Variants in ZSWIM5 observed in about 807,000 individuals in gnomAD.
ZSWIM5 encodes zinc finger SWIM domain-containing protein 5.
In ZSWIM5, 55 loss-of-function variants were observed where a neutral mutation model predicts 119.6. The observed-to-expected ratio is 0.46, with a 90% CI of 0.37 to 0.58. The LOEUF is 0.58. ZSWIM5 is among the 20% of genes least tolerant of loss of function. The pLI, the probability that ZSWIM5 is intolerant of heterozygous loss-of-function variation, is 0.00. For missense variants in ZSWIM5, 1,193 were observed against 1,512.8 expected (o/e 0.79, Z 3.51); for synonymous variants, 537 against 606.9 (o/e 0.88, Z 1.69).
intron 5 of ZSWIM5, among the ~76,000 whole-genome samples, chr1:45,050,212 G>A (rs978293869): frequency 1.3e-5 from 2 of 152,002 alleles, no homozygotes; most frequent in African/African-American, 4.8e-5. Context: ...AAAATTAGCC[G>A]GGCGTGGTGG....
intron 1 of ZSWIM5, among the ~76,000 whole-genome samples, chr1:45,158,603 T>G (rs575485995): frequency 6.6e-6 from 1 of 152,368 alleles, no homozygotes; most frequent in South Asian, 2.1e-4. Context: ...TCTGGGCATC[T>G]TTTTGCATCT....
chr1:45,141,311 G>C (rs1015468556), intron 1 of ZSWIM5, among the ~76,000 whole-genome samples: 1 of 152,258 alleles, frequency 6.6e-6, no homozygotes, highest in South Asian at 2.1e-4. Flanking sequence ...ACATCAGAAA[G>C]GGGTAACTGT....
intron 2 of ZSWIM5, among the ~76,000 whole-genome samples, chr1:45,080,502 G>A (rs1362911268): frequency 2.0e-5 from 3 of 152,186 alleles, no homozygotes; most frequent in Admixed American, 6.5e-5. Context: ...ACTGCTGGGC[G>A]ATTGGGGAGG....
chr1:45,026,946 G>GA (rs957456802), intron 11 of ZSWIM5, among the ~76,000 whole-genome samples: 2 of 151,618 alleles, frequency 1.3e-5, no homozygotes, highest in Admixed American at 6.6e-5. Context: ...TTGGTAGATT[G>GA]TTTTTTTCAA....
chr1:45,036,082 C>A lies in ZSWIM5; in HGVS notation c.2112G>T (p.Glu704Asp), dbSNP rs371566581. Residue 704 changes from glutamate (E) to aspartate (D), a missense_variant, in exon 9 of 14, where the codon GAG becomes GAT. Glu to Asp is a conservative substitution (Grantham distance 45). Around this residue, in one of 2 missense-constraint regions of ZSWIM5, gnomAD observed 961 missense variants for 1,290.0 expected, o/e 0.74. Coordinates refer to ENST00000359600, the MANE Select transcript of ZSWIM5 (RefSeq NM_020883.2). The part of the protein sequence containing the change: ...SQLQELQLDD[E>D]LVQTLQKQCI... The stretch of plus-strand genomic sequence containing the variant: ...ATTGTTTTTGCAGTGTTTGCACTAG[C>A]TCATCGTCCAGCTGCAGCTCTTGGA... The A allele has an allele frequency of 1.9e-6, 3 of 1,614,190 alleles. No homozygotes were observed. Among genetic ancestry groups the A allele is most frequent in the Non-Finnish European group, 2.5e-6 (3 of 1,180,032 alleles).
At chr1:45,106,607 C>T (rs142612786) in intron 1 of ZSWIM5, among the ~76,000 whole-genome samples, 13 of 148,924 alleles carry the variant, frequency 8.7e-5, no homozygotes, top group East Asian at 4.0e-4. Context: ...TCTGCCCGGC[C>T]GCCCCGTCTG....
At chr1:45,022,136 TTTA>T in intron 11 of ZSWIM5, among the ~76,000 whole-genome samples, 2 of 150,588 alleles carry the variant, frequency 1.3e-5, no homozygotes, top group African/African-American at 4.9e-5. Context: ...TTTATTTTAT[TTTA>T]TTTTTTTTTG....
At chr1:45,128,834 T>G (rs556475457) in intron 1 of ZSWIM5, among the ~76,000 whole-genome samples, 15 of 152,268 alleles carry the variant, frequency 9.9e-5, no homozygotes, top group Admixed American at 3.3e-4. Flanking sequence ...TTTTTCTTCT[T>G]TTTTTTACTG....
chr1:45,068,107 CT>C (rs71040545), intron 2 of ZSWIM5, among the ~76,000 whole-genome samples: 82 of 113,280 alleles, frequency 7.2e-4, no homozygotes, highest in African/African-American at 2.4e-3. Flanking sequence ...TTTTTTTTTT[CT>C]TTTTTTTTTT....
chr1:45,136,713 A>T (rs1645692648), intron 1 of ZSWIM5, among the ~76,000 whole-genome samples: 1 of 152,216 alleles, frequency 6.6e-6, no homozygotes, highest in South Asian at 2.1e-4. Flanking sequence ...CAGGCAATTA[A>T]GCTAAAGGAA....
At position 45,104,690 on chromosome 1, in the gene ZSWIM5, G is replaced by A. The variant is rs367877831; in HGVS notation, c.596-16453C>T. On this transcript the variant is annotated intron_variant, in intron 1 of 13. Coordinates refer to ENST00000359600, the MANE Select transcript of ZSWIM5 (RefSeq NM_020883.2). ...CTACTTGGTTTGTTTGTATTATAGAGGTCACCCTAAGCTTCTCAGAGCAGC... is the reference window on the plus strand; with the variant it reads ...CTACTTGGTTTGTTTGTATTATAGAAGTCACCCTAAGCTTCTCAGAGCAGC... 1.2e-4 allele frequency among the ~76,000 whole-genome samples: 19 copies of A among 152,302 alleles called. 1 individual carries two copies. Among genetic ancestry groups the A allele is most frequent in the East Asian group, 9.7e-4 (5 of 5,180 alleles).
chr1:45,190,764 C>A (rs1646086630), intron 1 of ZSWIM5, among the ~76,000 whole-genome samples: 1 of 151,910 alleles, frequency 6.6e-6, no homozygotes, highest in African/African-American at 2.4e-5. Flanking sequence ...AACACACTTA[C>A]TAGGGATCAA....
chr1:45,039,522 A>T (rs1311201114), intron 7 of ZSWIM5, among the ~76,000 whole-genome samples: 1 of 151,764 alleles, frequency 6.6e-6, no homozygotes, highest in Non-Finnish European at 1.5e-5. Flanking sequence ...AGTAGCTGGG[A>T]CTACAGGCAT....
At chr1:45,024,363 T>A (rs1644907923) in intron 11 of ZSWIM5, among the ~76,000 whole-genome samples, 1 of 151,580 alleles carries the variant, frequency 6.6e-6, no homozygotes, top group Admixed American at 6.6e-5. Flanking sequence ...GGCTACTTTT[T>A]AAATTTTTAT....
rs74070878 is a variant in ZSWIM5 at position 45,158,685 on chromosome 1, G to T, written c.595+47071C>A. Among the ~76,000 whole-genome samples, 715 of 152,188 alleles carry T rather than the reference G, an allele frequency of 4.7e-3. 5 individuals carry two copies. The highest frequency in any genetic ancestry group is 0.015 in the African/African-American group (628 of 41,508). On this transcript the variant is annotated intron_variant, in intron 1 of 13. Transcript: ENST00000359600. ...TAGACAATGGATTTCAACATGTCTG[G>T]TACATAAAAGATCCTTAATAAATGT...
At chr1:45,090,835 G>GAA (rs11446990) in intron 1 of ZSWIM5, among the ~76,000 whole-genome samples, 13 of 138,862 alleles carry the variant, frequency 9.4e-5, no homozygotes, top group African/African-American at 2.1e-4. Flanking sequence ...TTAAGAAAAA[G>GAA]AAAAAAAAAA....
intron 1 of ZSWIM5, among the ~76,000 whole-genome samples, chr1:45,094,030 TTTA>T (rs1467620577): frequency 3.9e-5 from 5 of 128,796 alleles, no homozygotes; most frequent in Non-Finnish European, 7.9e-5. Context: ...TTTATATTTA[TTTA>T]TTTATTTATT....
chr1:45,160,553 C>G (rs1250138661), intron 1 of ZSWIM5, among the ~76,000 whole-genome samples: 6 of 151,996 alleles, frequency 3.9e-5, no homozygotes, highest in Non-Finnish European at 8.8e-5. Context: ...CTTGGCTTAT[C>G]TTGCTTAATA....
chr1:45,144,590 C>A (rs971097181), intron 1 of ZSWIM5, among the ~76,000 whole-genome samples: 10 of 152,018 alleles, frequency 6.6e-5, no homozygotes, highest in African/African-American at 2.4e-4. Context: ...TTCAATGAAG[C>A]GAGGACAGTC....
Sources: gnomAD v4.1 joint callset for allele counts (sites outside exome capture counted in the v4.1 genomes callset) on GRCh38, gnomAD v4.1.1 for gene constraint, gnomAD v4.1.1 regional missense constraint, MANE v1.5 for transcripts, NCBI Gene and HGNC (gene_info 2026-07-23, HGNC 2026-07-21) for gene names.